The following NTN1 variants were observed in gnomAD, a reference collection of about 807,000 sequenced individuals.
NTN1 encodes netrin 1, also known as netrin-1.
In NTN1, 11 loss-of-function variants were observed where a neutral mutation model predicts 54.2. That is an observed-to-expected ratio of 0.20 (90% CI 0.13 to 0.34). NTN1 has a LOEUF of 0.34. Among genes scored for constraint, NTN1 ranks in the 10% least tolerant of loss-of-function variants. NTN1 has a pLI of 1.00. For missense variants in NTN1, 740 were observed against 893.1 expected (o/e 0.83, Z 2.18); for synonymous variants, 371 against 382.0 (o/e 0.97, Z 0.33).
chr17:9,223,931 GAA>G (rs1173249599), intron 6 of NTN1, among the ~76,000 whole-genome samples: 2 of 152,154 alleles, frequency 1.3e-5, no homozygotes, highest in Non-Finnish European at 2.9e-5. Context: ...CTTGCTTGGG[GAA>G]TGGATTGTTT....
rs1330771258 is a variant in NTN1, at chr17:9,179,668, G to A, written c.1208-139G>A. The A allele has an allele frequency of 3.6e-6, 4 of 1,098,224 alleles. No individual in the cohort carries two copies. The Admixed American group carries it at 1.2e-4, about 32-fold the overall frequency. The allele number at this position is 1,098,224 out of a possible 1,614,324, so 68.0% of individuals were successfully genotyped here. On this transcript the variant is annotated intron_variant, in intron 3 of 6. Coordinates refer to ENST00000173229, the MANE Select transcript of NTN1 (RefSeq NM_004822.3). ...GTCAGAGCTTCCGGAGTGCGTTTGG[G>A]CTTGGCTGGGCCTGCTCCCCATCGC...
At chr17:9,031,242 G>A (rs1034623087) in intron 2 of NTN1, among the ~76,000 whole-genome samples, 1 of 152,054 alleles carries the variant, frequency 6.6e-6, no homozygotes, top group Non-Finnish European at 1.5e-5. Flanking sequence ...GGGCCTGTAT[G>A]CTGTGCTGCA....
intron 2 of NTN1, among the ~76,000 whole-genome samples, chr17:9,038,562 C>T (rs1025919321): frequency 2.1e-4 from 32 of 152,040 alleles, no homozygotes; most frequent in African/African-American, 5.6e-4. Context: ...GCCTTATCTC[C>T]GGTCTGTGTG....
At chr17:9,025,161 T>C (rs1443326503) in intron 2 of NTN1, among the ~76,000 whole-genome samples, 2 of 152,220 alleles carry the variant, frequency 1.3e-5, no homozygotes, top group Non-Finnish European at 2.9e-5. Context: ...GTGGTGAAAT[T>C]TCTCTGGCTT....
chr17:9,024,552 A>T (rs2151507308), intron 2 of NTN1, among the ~76,000 whole-genome samples: 1 of 152,218 alleles, frequency 6.6e-6, no homozygotes, highest in East Asian at 1.9e-4. Flanking sequence ...CCCCACAAAC[A>T]CACGTTTTGA....
chr17:9,138,092 GT>G (rs750559888), intron 2 of NTN1, among the ~76,000 whole-genome samples: 43 of 152,214 alleles, frequency 2.8e-4, no homozygotes, highest in Admixed American at 2.0e-4. Flanking sequence ...GGGCCTGCTG[GT>G]TTGCAAGAAT....
chr17:9,129,814 C>T (rs1220336835), intron 2 of NTN1, among the ~76,000 whole-genome samples: 1 of 152,166 alleles, frequency 6.6e-6, no homozygotes, highest in Non-Finnish European at 1.5e-5. Context: ...CTGAGCCATC[C>T]TTCCTGTTTG....
Position 9,219,829 on chromosome 17 carries a change from G to C in NTN1, c.1412-1339G>C, listed in dbSNP as rs1408847780. Among the ~76,000 whole-genome samples, 1 of 151,780 alleles carries C rather than the reference G, an allele frequency of 6.6e-6. No individual in the cohort carries two copies. Among genetic ancestry groups the C allele is most frequent in the Non-Finnish European group, 1.5e-5 (1 of 67,968 alleles). On this transcript the variant is annotated intron_variant, in intron 5 of 6. Coordinates refer to ENST00000173229, the MANE Select transcript of NTN1 (RefSeq NM_004822.3). This position sits in a 1 kb window ranked among gnomAD's most constrained non-coding sequence, Gnocchi z 4.5. The stretch of plus-strand genomic sequence containing the variant: ...ACCTGCCCCTGGAGCAGCCGCCCGT[G>C]TGTGTGCACGTGTGTGTGCACGTGT...
intron 5 of NTN1, among the ~76,000 whole-genome samples, chr17:9,214,607 G>C (rs578127927): frequency 5.9e-5 from 9 of 152,336 alleles, no homozygotes; most frequent in African/African-American, 1.9e-4. Context: ...CGGATCACGA[G>C]GTTAGGAGAT....
In NTN1 at chr17:9,221,359, G is replaced by A. The variant is rs547839419; in HGVS notation, c.1486+117G>A. 21 of 794,776 alleles carry A rather than the reference G, an allele frequency of 2.6e-5. No individual in the cohort carries two copies. The highest frequency in any genetic ancestry group is 1.0e-4 in the African/African-American group (6 of 59,232). The allele number at this position is 794,776 out of a possible 1,614,324, so 49.2% of individuals were successfully genotyped here. A position where few individuals can be genotyped will look rare whatever the true frequency, so the allele number is the denominator to read the frequency against. ...TGTTGGTCGTGAAGACCCTGTGACC[G>A]ATGGGAACTAGCCGGACGGATCCCA... On this transcript the variant is annotated intron_variant, in intron 6 of 6. Transcript: ENST00000173229. This position sits in a 1 kb window ranked among gnomAD's most constrained non-coding sequence, Gnocchi z 4.5.
chr17:9,079,695 CT>C (rs959430785), intron 2 of NTN1, among the ~76,000 whole-genome samples: 10 of 151,602 alleles, frequency 6.6e-5, no homozygotes, highest in Admixed American at 2.0e-4. Flanking sequence ...CTGGTTCCCC[CT>C]GGGAAGTGGT....
chr17:9,038,716 T>G (rs1250064845), intron 2 of NTN1, among the ~76,000 whole-genome samples: 1 of 152,166 alleles, frequency 6.6e-6, no homozygotes, highest in Admixed American at 6.6e-5. Flanking sequence ...GGGTTTCTCT[T>G]AACACTTTGG....
the NTN1 span, among the ~76,000 whole-genome samples, chr17:9,010,876 T>C: frequency 6.6e-6 from 1 of 152,174 alleles, no homozygotes; most frequent in Non-Finnish European, 1.5e-5. Context: ...TTGTGCACTT[T>C]ATTTCTATTA....
At chr17:9,216,060 A>C (rs1242490586) in intron 5 of NTN1, among the ~76,000 whole-genome samples, 1 of 152,216 alleles carries the variant, frequency 6.6e-6, no homozygotes, top group Non-Finnish European at 1.5e-5. Context: ...TCCTGGGCTC[A>C]AGCAATACTC....
At chr17:9,182,187 C>T (rs2092420425) in intron 4 of NTN1, among the ~76,000 whole-genome samples, 1 of 151,420 alleles carries the variant, frequency 6.6e-6, no homozygotes, top group Non-Finnish European at 1.5e-5. Flanking sequence ...CTTTGTTGGC[C>T]AGGCTGGTTG....
chr17:9,022,278 G>A (rs2091852227), intron 1 of NTN1, 33 bp from the exon 2 acceptor site: 2 of 1,212,386 alleles, frequency 1.6e-6, no homozygotes, highest in Non-Finnish European at 2.1e-6. Context: ...GCGCGGGGCG[G>A]GCTGGCTGAG....
chr17:9,037,991 AC>A (rs1026988449), intron 2 of NTN1, among the ~76,000 whole-genome samples: 2 of 151,962 alleles, frequency 1.3e-5, no homozygotes, highest in African/African-American at 4.8e-5. Flanking sequence ...TTTGCTGCTC[AC>A]TCAGTCTGTT....
intron 5 of NTN1, among the ~76,000 whole-genome samples, chr17:9,214,511 A>T (rs143665208): frequency 4.6e-4 from 70 of 152,268 alleles, no homozygotes; most frequent in Admixed American, 1.1e-3. Flanking sequence ...CTACTGCTTA[A>T]GTTGTGAGCT....
chr17:9,082,867 A>G (rs2092076532), intron 2 of NTN1, among the ~76,000 whole-genome samples: 1 of 152,174 alleles, frequency 6.6e-6, no homozygotes, highest in African/African-American at 2.4e-5. Context: ...TTACCATGTC[A>G]TAGATACTTA....
Sources: gnomAD v4.1 joint callset for allele counts (sites outside exome capture counted in the v4.1 genomes callset) on GRCh38, gnomAD v4.1.1 for gene constraint, Gnocchi (gnomAD v3.1) non-coding constraint, MANE v1.5 for transcripts, NCBI Gene and HGNC (gene_info 2026-07-23, HGNC 2026-07-21) for gene names.